The following DDX31 variants were observed in gnomAD, a reference collection of about 807,000 sequenced individuals.
The protein encoded by DDX31 is ATP-dependent DNA helicase DDX31.
DDX31 carries 70 observed loss-of-function variants against 91.3 expected under a neutral mutation model. The ratio of observed to expected loss-of-function variants is 0.77; its 90% CI spans 0.63 to 0.94. The LOEUF (loss-of-function observed/expected upper bound fraction) is 0.94. Ranked by LOEUF, DDX31 falls within the 40% of genes least tolerant of loss-of-function variation. The pLI, the probability that DDX31 is intolerant of heterozygous loss-of-function variation, is 0.00. For missense variants in DDX31, 902 were observed against 925.0 expected (o/e 0.98, Z 0.32); for synonymous variants, 362 against 350.6 (o/e 1.03, Z -0.36).
intron 14 of DDX31, among the ~76,000 whole-genome samples, chr9:132,640,519 C>A (rs1306833721): frequency 6.6e-6 from 1 of 152,088 alleles, no homozygotes; most frequent in Non-Finnish European, 1.5e-5. Flanking sequence ...TCTTTTGAGA[C>A]AAGGTCTTGC....
At chr9:132,638,286 T>G in intron 14 of DDX31, 1 of 1,610,772 alleles carries the variant, frequency 6.2e-7, no homozygotes, top group South Asian at 1.1e-5. Flanking sequence ...CATTCGGTGG[T>G]ACTTCTTATC....
At chr9:132,597,912 C>T (rs571419019) in intron 19 of DDX31, among the ~76,000 whole-genome samples, 4 of 152,306 alleles carry the variant, frequency 2.6e-5, no homozygotes, top group African/African-American at 4.8e-5. Flanking sequence ...AAGAGGACGC[C>T]GTTCGAAAGC....
intron 15 of DDX31, among the ~76,000 whole-genome samples, chr9:132,631,154 C>T (rs1832692743): frequency 6.6e-6 from 1 of 152,226 alleles, no homozygotes; most frequent in South Asian, 2.1e-4. Flanking sequence ...AGCTAATTGA[C>T]CATCCACTCA....
At chr9:132,630,152 A>T (rs1364392556) in intron 16 of DDX31, 112 bp downstream of exon 16, 2 of 1,248,132 alleles carry the variant, frequency 1.6e-6, no homozygotes, top group African/African-American at 3.0e-5. Flanking sequence ...TCATTTAGGG[A>T]TCACAAGGGT....
intron 6 of DDX31, among the ~76,000 whole-genome samples, chr9:132,656,891 A>C (rs1834604809): frequency 6.6e-6 from 1 of 152,192 alleles, no homozygotes; most frequent in African/African-American, 2.4e-5. Context: ...TCTATGTGCC[A>C]GGGACAATGC....
At chr9:132,601,859 C>CT (rs1250796617) in intron 19 of DDX31, among the ~76,000 whole-genome samples, 1 of 152,214 alleles carries the variant, frequency 6.6e-6, no homozygotes, top group Admixed American at 6.5e-5. Context: ...ACTTATTTCT[C>CT]TAAGTCCCAC....
At chr9:132,636,851 C>A (rs1833151149) in intron 14 of DDX31, among the ~76,000 whole-genome samples, 2 of 152,128 alleles carry the variant, frequency 1.3e-5, no homozygotes, top group Non-Finnish European at 2.9e-5. Flanking sequence ...CTGCTTGCTC[C>A]AGTCCCACTT....
intron 4 of DDX31, 91 bp downstream of exon 4, chr9:132,661,117 G>C: frequency 8.9e-7 from 1 of 1,124,916 alleles, no homozygotes; most frequent in Non-Finnish European, 1.3e-6. Flanking sequence ...CCAACGCCAA[G>C]ACACAAATTT....
In DDX31 at chr9:132,659,712, G is replaced by A; in HGVS notation, c.521C>T (p.Ser174Leu). 1 of 1,609,248 alleles carries A rather than the reference G, an allele frequency of 6.2e-7. No homozygotes were observed. Among genetic ancestry groups the A allele is most frequent in the Non-Finnish European group, 8.5e-7 (1 of 1,177,430 alleles). Reference protein sequence around the residue: ...RDALVRSQTGSGKTLAYCIPV... With the variant: ...RDALVRSQTGLGKTLAYCIPV... ...GGCAGAGATGAAATGAGACTAACCTGAGCCCGTCTGGGATCTCACGAGAGC... is the reference window on the plus strand; with the variant it reads ...GGCAGAGATGAAATGAGACTAACCTAAGCCCGTCTGGGATCTCACGAGAGC... The change falls in exon 5 of 20, where the codon TCA (serine) becomes TTA (leucine). Residue 174 changes from serine to leucine, a missense_variant and splice_region_variant. Physicochemically the swap from Ser to Leu is moderately radical, Grantham distance 145. Transcript: ENST00000372159.
chr9:132,663,517 G>A (rs961838142), intron 1 of DDX31: 1 of 985,396 alleles, frequency 1.0e-6, no homozygotes, highest in Non-Finnish European at 1.2e-6. Flanking sequence ...ACTTCCCCTA[G>A]GAGAAGGAAC....
chr9:132,645,271 A>T (rs981888867), intron 13 of DDX31, among the ~76,000 whole-genome samples: 2 of 152,094 alleles, frequency 1.3e-5, no homozygotes, highest in Admixed American at 6.5e-5. Flanking sequence ...AATGCGACTC[A>T]CATAGCCAAG....
chr9:132,653,494 C>CAAAAAAAAA (rs71376648), intron 6 of DDX31, among the ~76,000 whole-genome samples: 2 of 20,654 alleles, frequency 9.7e-5, no homozygotes, highest in Non-Finnish European at 1.5e-4. Context: ...AACTCAGTCT[C>CAAAAAAAAA]AAAAAAAAAA....
chr9:132,653,493 TCAAAAAAAAAAAAAAAAAAAAAAAA>T (rs1349905730), intron 6 of DDX31, among the ~76,000 whole-genome samples: 84 of 3,228 alleles, frequency 0.026, 2 homozygotes, highest in African/African-American at 0.04. Flanking sequence ...AAACTCAGTC[TCAAAAAAAAAAAAAAAAAAAAAAAA>T]AAAAAAAAAA....
At chr9:132,597,829 C>A (rs1397831761) in intron 19 of DDX31, among the ~76,000 whole-genome samples, 1 of 152,172 alleles carries the variant, frequency 6.6e-6, no homozygotes, top group Non-Finnish European at 1.5e-5. Context: ...CACCGTGGGT[C>A]TGGGGTGGAG....
At chr9:132,662,024 C>CA (rs1303913205) in intron 3 of DDX31, among the ~76,000 whole-genome samples, 3 of 151,862 alleles carry the variant, frequency 2.0e-5, no homozygotes, top group Non-Finnish European at 4.4e-5. Context: ...AACACACACA[C>CA]AAAAACACAA....
chr9:132,620,459 T>C (rs1348019498), intron 17 of DDX31, among the ~76,000 whole-genome samples: 8 of 150,728 alleles, frequency 5.3e-5, no homozygotes, highest in African/African-American at 1.5e-4. Context: ...TGTGAGTGTG[T>C]ATACAAGCGA....
chr9:132,619,593 CA>C (rs1831878469), intron 17 of DDX31, among the ~76,000 whole-genome samples: 1 of 152,144 alleles, frequency 6.6e-6, no homozygotes, highest in African/African-American at 2.4e-5. Context: ...AGAGACTTAA[CA>C]ACGTGAAAAT....
intron 17 of DDX31, among the ~76,000 whole-genome samples, chr9:132,620,921 C>T (rs1831988308): frequency 6.6e-6 from 1 of 152,180 alleles, no homozygotes; most frequent in African/African-American, 2.4e-5. Context: ...AACACATTTC[C>T]AACCATCCAT....
At chr9:132,626,636 CTCT>C (rs1309754228) in intron 16 of DDX31, among the ~76,000 whole-genome samples, 2 of 151,396 alleles carry the variant, frequency 1.3e-5, no homozygotes, top group Non-Finnish European at 2.9e-5. Flanking sequence ...TTGTTGTATG[CTCT>C]TTTTTTTTTT....
Sources: allele counts gnomAD v4.1 joint callset (sites outside exome capture counted in the v4.1 genomes callset), GRCh38; gene constraint gnomAD v4.1.1; transcripts MANE v1.5; gene names NCBI Gene and HGNC (gene_info 2026-07-23, HGNC 2026-07-21).